The following NDUFB4 variants were observed in gnomAD, a reference collection of about 807,000 sequenced individuals.
NDUFB4 encodes the protein NADH dehydrogenase [ubiquinone] 1 beta subcomplex subunit 4.
In NDUFB4, 10 loss-of-function variants were observed where a neutral mutation model predicts 14.5. That is an observed-to-expected ratio of 0.69 (90% CI 0.43 to 1.17). NDUFB4 has a LOEUF of 1.17. NDUFB4 is among the 50% of genes most tolerant of loss of function. The probability of loss-of-function intolerance (pLI) is 0.00; values close to 1 mark genes in which losing one functional copy is unlikely to be tolerated. For synonymous variants in NDUFB4, 65 were observed against 63.4 expected (o/e 1.03, Z -0.12); for missense variants, 165 against 161.1 (o/e 1.02, Z -0.13).
rs1283578690 is a variant in NDUFB4 at position 120,596,370 on chromosome 3, C to T, written c.11C>T (p.Pro4Leu). The stretch of plus-strand genomic sequence containing the variant: ...CCCTGGTTCGCCAAGATGTCGTTCC[C>T]AAAGTATAAGCCGTCGAGCCTGCGC... MSFPKYKPSSLRTL... is the reference protein window; with the variant it reads MSFLKYKPSSLRTL... The change falls in exon 1 of 3, where the codon CCA becomes CTA. Residue 4 changes from proline (P) to leucine (L), a missense_variant. By Grantham distance (98) the Pro-to-Leu change is moderately conservative. Coordinates refer to ENST00000184266, the MANE Select transcript of NDUFB4 (RefSeq NM_004547.6). 64 of 1,614,020 alleles carry T rather than the reference C, an allele frequency of 4.0e-5. No individual in the cohort carries two copies. The highest frequency in any genetic ancestry group is 5.3e-5 in the Non-Finnish European group (62 of 1,180,022).
chr3:120,602,163 G>A (rs1239374664), intron 2 of NDUFB4, 45 bp from the exon 3 acceptor site: 4 of 1,585,768 alleles, frequency 2.5e-6, no homozygotes, highest in Admixed American at 3.9e-5. Flanking sequence ...ATAGCCAACT[G>A]GCAGAATATA....
intron 1 of NDUFB4, among the ~76,000 whole-genome samples, chr3:120,599,040 G>A: frequency 6.6e-6 from 1 of 152,134 alleles, no homozygotes; most frequent in Admixed American, 6.5e-5. Context: ...AGAAATGGTA[G>A]ATTCCAGGTG....
intron 1 of NDUFB4, among the ~76,000 whole-genome samples, chr3:120,599,458 G>A (rs1940021035): frequency 1.3e-5 from 2 of 152,078 alleles, no homozygotes; most frequent in African/African-American, 4.8e-5. Flanking sequence ...GGGAGATGAG[G>A]AGGAAAAGAG....
chr3:120,596,692 A>G (rs1939962435), intron 1 of NDUFB4, 153 bp downstream of exon 1: 2 of 864,932 alleles, frequency 2.3e-6, no homozygotes, highest in South Asian at 3.4e-5. Context: ...TACCTTTGCC[A>G]GAGCTTGGCC....
In NDUFB4 at chr3:120,601,258, G is replaced by T. The variant is rs770698811; in HGVS notation, c.327+1G>T. The T allele has an allele frequency of 2.1e-5, 34 of 1,613,892 alleles. No individual in the cohort carries two copies. The South Asian group carries it at 3.4e-4, about 16-fold the overall frequency. ...TTATTATATTATCAAAACTGAGAGGGTAAGTATTCAGACCAGATGTTTAGT... is the reference window on the plus strand; with the variant it reads ...TTATTATATTATCAAAACTGAGAGGTTAAGTATTCAGACCAGATGTTTAGT... On this transcript the variant is annotated splice_donor_variant, in intron 2 of 2. Coordinates refer to ENST00000184266, the MANE Select transcript of NDUFB4 (RefSeq NM_004547.6). LOFTEE classifies it high-confidence loss of function.
chr3:120,601,994 T>C, intron 2 of NDUFB4: 27 of 1,306,102 alleles, frequency 2.1e-5, no homozygotes, highest in Non-Finnish European at 2.6e-5. Flanking sequence ...TACTGTGTCT[T>C]TAGTTCCTCG....
chr3:120,598,133 A>T (rs547431953), intron 1 of NDUFB4, among the ~76,000 whole-genome samples: 13 of 150,994 alleles, frequency 8.6e-5, no homozygotes, highest in Non-Finnish European at 1.6e-4. Flanking sequence ...GCTCACTGCA[A>T]CCTCTGCCTC....
Position 120,596,393 on chromosome 3 carries a change from C to A in NDUFB4, c.34C>A (p.Arg12Ser). 1 of 1,614,168 alleles carries A rather than the reference C, an allele frequency of 6.2e-7. No individual in the cohort carries two copies. The highest frequency in any genetic ancestry group is 2.2e-5 in the East Asian group (1 of 44,880). ...SFPKYKPSSL[R>S]TLPETLDPAE... is the part of the protein sequence containing the mutation. Reference sequence around the variant, plus strand: ...CCCAAAGTATAAGCCGTCGAGCCTGCGCACTCTGCCTGAGACCCTCGACCC... The same window carrying A: ...CCCAAAGTATAAGCCGTCGAGCCTGAGCACTCTGCCTGAGACCCTCGACCC... Residue 12 changes from arginine to serine, a missense_variant, in exon 1 of 3, where the codon CGC becomes AGC. By Grantham distance (110) the Arg-to-Ser change is moderately radical. Transcript: ENST00000184266.
chr3:120,602,179 T>C (rs1430312037), intron 2 of NDUFB4, 29 bp from the exon 3 acceptor site: 1 of 1,599,290 alleles, frequency 6.3e-7, no homozygotes, highest in East Asian at 2.2e-5. Flanking sequence ...ATATATTGTC[T>C]TTAATGTACT....
chr3:120,602,076 C>A, intron 2 of NDUFB4, 132 bp from the exon 3 acceptor site: 1 of 1,480,512 alleles, frequency 6.8e-7, no homozygotes, highest in Non-Finnish European at 8.9e-7. Flanking sequence ...GTGTTTCATT[C>A]TGTTTGTCAG....
At chr3:120,596,685 C>T in intron 1 of NDUFB4, 146 bp downstream of exon 1, 2 of 919,740 alleles carry the variant, frequency 2.2e-6, no homozygotes, top group Admixed American at 2.4e-5. Flanking sequence ...ACCCTTTTAC[C>T]TTTGCCAGAG....
chr3:120,600,503 T>C (rs1940039721), intron 1 of NDUFB4, among the ~76,000 whole-genome samples: 1 of 152,216 alleles, frequency 6.6e-6, no homozygotes, highest in Admixed American at 6.5e-5. Context: ...TTGACCTTTC[T>C]ACAAAACTTC....
rs1408549304 is a variant in NDUFB4 at position 120,596,403 on chromosome 3, C to G, written c.44C>G (p.Pro15Arg). The G allele has an allele frequency of 6.2e-7, 1 of 1,614,216 alleles. No homozygotes were observed. ...AAGCCGTCGAGCCTGCGCACTCTGC[C>G]TGAGACCCTCGACCCAGCCGAATAC... ...KYKPSSLRTL[P>R]ETLDPAEYNI... The change falls in exon 1 of 3, where the codon CCT becomes CGT. Residue 15 changes from proline (P) to arginine (R), a missense_variant. Transcript: ENST00000184266.
chr3:120,599,695 A>G lies in NDUFB4; in HGVS notation c.181-1416A>G, dbSNP rs188344534. Among the ~76,000 whole-genome samples, 86 of 152,262 alleles carry G rather than the reference A, an allele frequency of 5.6e-4. 1 individual carries two copies. Among genetic ancestry groups the G allele is most frequent in the African/African-American group, 1.9e-3 (78 of 41,542 alleles). On this transcript the variant is annotated intron_variant, in intron 1 of 2. Transcript: ENST00000184266. Reference sequence around the variant, plus strand: ...CTTAATGAACTATGGTCATGGGGCAATTGGTATTTTTATGAAATGAAATGT... The same window carrying G: ...CTTAATGAACTATGGTCATGGGGCAGTTGGTATTTTTATGAAATGAAATGT...
chr3:120,602,262 T>G lies in NDUFB4; in HGVS notation c.382T>G (p.Ser128Ala). 6.2e-7 allele frequency: 1 copy of G among 1,609,216 alleles called. No individual in the cohort carries two copies. Among genetic ancestry groups the G allele is most frequent in the Non-Finnish European group, 8.5e-7 (1 of 1,177,962 alleles). Residue 128 changes from serine to alanine, a missense_variant, in exon 3 of 3, where the codon TCA becomes GCA. Physicochemically the swap from Ser to Ala is moderately conservative, Grantham distance 99. Transcript: ENST00000184266. The part of the protein sequence containing the change: ...EGKLDRTFHL[S>A]Y ...AAAATTGGATCGAACATTTCACCTC[T>G]CATATTAAGTCTGGCAATGATGACT...
chr3:120,601,150 A>G lies in NDUFB4; in HGVS notation c.220A>G (p.Ile74Val), dbSNP rs1940051734. 1 of 1,614,010 alleles carries G rather than the reference A, an allele frequency of 6.2e-7. No individual in the cohort carries two copies. The highest frequency in any genetic ancestry group is 1.7e-5 in the Admixed American group (1 of 59,968). The change falls in exon 2 of 3, where the codon ATA (isoleucine) becomes GTA (valine). Residue 74 changes from isoleucine (I) to valine (V), a missense_variant. Physicochemically the swap from Ile to Val is conservative, Grantham distance 29. Coordinates refer to ENST00000184266, the MANE Select transcript of NDUFB4 (RefSeq NM_004547.6). ...GCTTCGTTGGGCCTATGCAAGAACA[A>G]TAAATGTCTATCCTAATTTCAGACC... is the stretch of plus-strand genomic sequence containing the variant. Reference protein sequence around the residue: ...ALLRWAYARTINVYPNFRPTP... With the variant: ...ALLRWAYARTVNVYPNFRPTP...
Position 120,602,384 on chromosome 3 carries a change from C to A in NDUFB4, c.*114C>A. On this transcript the variant is annotated 3_prime_UTR_variant, in exon 3 of 3. Transcript: ENST00000184266. ...GATTCAATGTTAAAAACTATTAACA[C>A]CCTAACAACACAGAAGCAGACGCAG... 1 of 1,014,158 alleles carries A rather than the reference C, an allele frequency of 9.9e-7. No homozygotes were observed. The highest frequency in any genetic ancestry group is 2.5e-5 in the Admixed American group (1 of 40,066). 62.8% of individuals were successfully genotyped at this position (1,014,158 alleles called of 1,614,324 possible). A position where few individuals can be genotyped will look rare whatever the true frequency, so the allele number is the denominator to read the frequency against.
At position 120,596,810 on chromosome 3, in the gene NDUFB4, T is replaced by C. The variant is rs572709774; in HGVS notation, c.180+271T>C. On this transcript the variant is annotated intron_variant, in intron 1 of 2. Transcript: ENST00000184266. ...CGTTATTCACTCTGCTTATCCTCGATTTTCTGTCTGCAAAATGGGCGTAAT... is the reference window on the plus strand; with the variant it reads ...CGTTATTCACTCTGCTTATCCTCGACTTTCTGTCTGCAAAATGGGCGTAAT... 1.6e-4 allele frequency among the ~76,000 whole-genome samples: 25 copies of C among 152,142 alleles called. 1 individual carries two copies. The South Asian group carries it at 5.0e-3, about 30-fold the overall frequency.
chr3:120,597,005 A>C (rs12635956), intron 1 of NDUFB4, among the ~76,000 whole-genome samples: 26,809 of 142,740 alleles, frequency 0.19, 3,251 homozygotes, highest in East Asian at 0.57. Context: ...ATTATATTCT[A>C]TATATATGCA....
Sources: gnomAD v4.1 joint callset for allele counts (sites outside exome capture counted in the v4.1 genomes callset) on GRCh38, gnomAD v4.1.1 for gene constraint, MANE v1.5 for transcripts, NCBI Gene and HGNC (gene_info 2026-07-23, HGNC 2026-07-21) for gene names.